Variants in DNAH11 observed in about 807,000 individuals in gnomAD.
DNAH11 encodes dynein axonemal heavy chain 11, also known as axonemal beta dynein heavy chain 11.
Under a neutral mutation model 526.0 loss-of-function variants are expected in DNAH11, and 442 were observed. The ratio of observed to expected loss-of-function variants is 0.84; its 90% CI spans 0.78 to 0.91. The LOEUF (loss-of-function observed/expected upper bound fraction) is 0.91. Among genes scored for constraint, DNAH11 ranks in the 40% least tolerant of loss-of-function variants. The pLI, the probability that DNAH11 is intolerant of heterozygous loss-of-function variation, is 0.00. For synonymous variants in DNAH11, 2,461 were observed against 1,935.9 expected (o/e 1.27, Z -7.12); for missense variants, 6,989 against 5,448.7 (o/e 1.28, Z -8.90).
intron 25 of DNAH11, among the ~76,000 whole-genome samples, chr7:21,625,666 G>C (rs1032856323): frequency 7.2e-5 from 11 of 152,036 alleles, no homozygotes; most frequent in African/African-American, 2.7e-4. Context: ...AACTGGTTTT[G>C]CTGCATTCCG....
intron 79 of DNAH11, among the ~76,000 whole-genome samples, chr7:21,897,447 T>TTA (rs1784558790): frequency 5.9e-5 from 9 of 152,334 alleles, no homozygotes; most frequent in Non-Finnish European, 1.2e-4. Context: ...ATACTTCTTT[T>TTA]CCCTTTATAA....
Position 21,773,770 on chromosome 7 carries a change from T to C in DNAH11, c.9107T>C (p.Val3036Ala). 1 of 1,567,352 alleles carries C rather than the reference T, an allele frequency of 6.4e-7. No individual in the cohort carries two copies. The highest frequency in any genetic ancestry group is 1.9e-5 in the Admixed American group (1 of 53,246). ...FIEETKGIEP[V>A]HKDSISLFMA... Reference sequence around the variant, plus strand: ...CTGTAATGTTTGTGTTTTCAGCCAGTGCACAAAGACTCTATTAGCCTTTTC... The same window carrying C: ...CTGTAATGTTTGTGTTTTCAGCCAGCGCACAAAGACTCTATTAGCCTTTTC... The change falls in exon 56 of 82, where the codon GTG becomes GCG. Residue 3036 changes from valine (V) to alanine (A), a missense_variant. Val to Ala is a moderately conservative substitution (Grantham distance 64). Transcript: ENST00000409508.
chr7:21,661,128 A>G (rs1782227817), intron 30 of DNAH11, among the ~76,000 whole-genome samples: 1 of 152,068 alleles, frequency 6.6e-6, no homozygotes, highest in South Asian at 2.1e-4. Context: ...AGGATCATTT[A>G]TTCTGTTCTC....
chr7:21,559,595 G>A lies in DNAH11; in HGVS notation c.693-8G>A. ...CTTTGAATTATTTTATTATCTTAAT[G>A]TTTGTAGGCCACCGTCAAACGAAAG... On this transcript the variant is annotated splice_polypyrimidine_tract_variant and splice_region_variant and intron_variant, in intron 3 of 81. Transcript: ENST00000409508. The A allele has an allele frequency of 6.3e-7, 1 of 1,587,966 alleles. No homozygotes were observed. The highest frequency in any genetic ancestry group is 2.3e-5 in the East Asian group (1 of 44,146).
chr7:21,868,641 A>G (rs995254586), intron 72 of DNAH11, among the ~76,000 whole-genome samples: 4 of 152,210 alleles, frequency 2.6e-5, no homozygotes, highest in African/African-American at 7.2e-5. Context: ...CATAAAACCA[A>G]AGGAACTGGC....
At chr7:21,642,474 C>T (rs1329754715) in intron 28 of DNAH11, among the ~76,000 whole-genome samples, 1 of 152,138 alleles carries the variant, frequency 6.6e-6, no homozygotes, top group African/African-American at 2.4e-5. Context: ...GATCTTGCCA[C>T]ACTCTCTTAC....
chr7:21,872,123 C>CATAAAAAAAAAAA (rs1783519233), intron 73 of DNAH11, among the ~76,000 whole-genome samples: 1 of 30,822 alleles, frequency 3.2e-5, no homozygotes, highest in Non-Finnish European at 5.6e-5. Flanking sequence ...GACTCTGTCT[C>CATAAAAAAAAAAA]AAAAAAAAAA....
At chr7:21,699,256 C>G (rs1306339339) in intron 36 of DNAH11, among the ~76,000 whole-genome samples, 4 of 151,988 alleles carry the variant, frequency 2.6e-5, no homozygotes, top group African/African-American at 7.2e-5. Flanking sequence ...AATTTGTGCT[C>G]TACAATTTCC....
intron 34 of DNAH11, among the ~76,000 whole-genome samples, chr7:21,689,157 G>A (rs1444252653): frequency 6.6e-6 from 1 of 152,142 alleles, no homozygotes; most frequent in African/African-American, 2.4e-5. Context: ...CCATCTCTAA[G>A]GCCATGATAG....
intron 2 of DNAH11, among the ~76,000 whole-genome samples, chr7:21,548,977 G>A (rs190302744): frequency 1.3e-5 from 2 of 151,910 alleles, no homozygotes; most frequent in East Asian, 3.9e-4. Flanking sequence ...TGCCTCCCCA[G>A]TTCAAGCAAT....
chr7:21,863,110 G>A (rs1363745066), intron 69 of DNAH11, among the ~76,000 whole-genome samples: 2 of 146,698 alleles, frequency 1.4e-5, no homozygotes, highest in East Asian at 3.9e-4. Context: ...TTCGTGATAA[G>A]AAAAAAGAAA....
Position 21,739,608 on chromosome 7 carries a change from A to G in DNAH11, c.7849A>G (p.Asn2617Asp). 6.2e-7 allele frequency: 1 copy of G among 1,612,944 alleles called. No individual in the cohort carries two copies. Among genetic ancestry groups the G allele is most frequent in the African/African-American group, 1.3e-5 (1 of 75,002 alleles). Residue 2617 changes from asparagine to aspartate, a missense_variant, in exon 48 of 82, where the codon AAC (asparagine) becomes GAC (aspartate). Asn to Asp is a conservative substitution (Grantham distance 23). Coordinates refer to ENST00000409508, the MANE Select transcript of DNAH11 (RefSeq NM_001277115.2). ...GAAGGTGATGCTTAAAGAAATCCAT[A>G]ACTGCCAGTATGTCGCCTGCATGAA... ...RQKVMLKEIH[N>D]CQYVACMNPM...
At chr7:21,699,627 A>G (rs1448278471) in intron 36 of DNAH11, among the ~76,000 whole-genome samples, 2 of 152,110 alleles carry the variant, frequency 1.3e-5, no homozygotes, top group Admixed American at 6.6e-5. Flanking sequence ...GTGGAATCAT[A>G]ATTTTTAACA....
At chr7:21,578,845 A>G (rs1309005719) in intron 8 of DNAH11, among the ~76,000 whole-genome samples, 2 of 152,108 alleles carry the variant, frequency 1.3e-5, no homozygotes, top group East Asian at 3.9e-4. Context: ...CACATCTCAA[A>G]ATCACATTCA....
At chr7:21,783,493 C>T (rs1310149734) in intron 57 of DNAH11, among the ~76,000 whole-genome samples, 1 of 152,162 alleles carries the variant, frequency 6.6e-6, no homozygotes, top group East Asian at 1.9e-4. Flanking sequence ...CAATCACCAT[C>T]ACCACGGGAA....
intron 30 of DNAH11, among the ~76,000 whole-genome samples, chr7:21,672,756 A>T (rs1169754510): frequency 6.6e-6 from 1 of 152,182 alleles, no homozygotes; most frequent in Non-Finnish European, 1.5e-5. Flanking sequence ...TATAGTATTT[A>T]GGGACACACT....
At chr7:21,546,099 T>G (rs1260140612) in intron 2 of DNAH11, among the ~76,000 whole-genome samples, 2 of 152,224 alleles carry the variant, frequency 1.3e-5, no homozygotes, top group South Asian at 2.1e-4. Context: ...CTGTAATCAG[T>G]GTAGTCCTGC....
intron 61 of DNAH11, among the ~76,000 whole-genome samples, chr7:21,790,801 A>G (rs1171049950): frequency 6.6e-6 from 1 of 152,226 alleles, no homozygotes; most frequent in African/African-American, 2.4e-5. Flanking sequence ...GTATGAGGGA[A>G]TCATGAACAG....
chr7:21,572,370 G>A (rs550029274), intron 8 of DNAH11, among the ~76,000 whole-genome samples: 1 of 152,270 alleles, frequency 6.6e-6, no homozygotes, highest in Admixed American at 6.5e-5. Context: ...CAGTCATTAA[G>A]TGTATCATTT....
Sources: gnomAD v4.1 joint callset for allele counts (sites outside exome capture counted in the v4.1 genomes callset) on GRCh38, gnomAD v4.1.1 for gene constraint, MANE v1.5 for transcripts, NCBI Gene and HGNC (gene_info 2026-07-23, HGNC 2026-07-21) for gene names.